Variants in C20orf203 observed in about 807,000 individuals in gnomAD.
The protein encoded by C20orf203 is uncharacterized protein C20orf203.
A neutral mutation model predicts 15.9 loss-of-function variants in C20orf203; 16 were observed. That is an observed-to-expected ratio of 1.01 (90% confidence interval 0.68 to 1.53). C20orf203 has a LOEUF of 1.53. C20orf203 is among the 40% of genes most tolerant of loss of function. The pLI, the probability that C20orf203 is intolerant of heterozygous loss-of-function variation, is 0.00. For synonymous variants in C20orf203, 98 were observed against 97.2 expected (o/e 1.01, Z -0.05); for missense variants, 263 against 247.5 (o/e 1.06, Z -0.42).
chr20:32,659,008 T>A (rs558698251), intron 1 of C20orf203, among the ~76,000 whole-genome samples: 3 of 152,112 alleles, frequency 2.0e-5, no homozygotes, highest in Non-Finnish European at 4.4e-5. Flanking sequence ...CCCGAGTAGC[T>A]GGGACTACAG....
chr20:32,653,005 A>G (rs966862548), intron 1 of C20orf203, among the ~76,000 whole-genome samples: 5 of 152,176 alleles, frequency 3.3e-5, no homozygotes, highest in Non-Finnish European at 7.4e-5. Flanking sequence ...AAGTCTGTGC[A>G]AGCACAGCCA....
In C20orf203 at chr20:32,633,789, C is replaced by T. The variant is rs1414130650; in HGVS notation, c.*1781G>A. The T allele has an allele frequency of 5.4e-6, 2 of 370,900 alleles. No individual in the cohort carries two copies. The highest frequency in any genetic ancestry group is 4.8e-6 in the Non-Finnish European group (1 of 209,196). The allele number at this position is 370,900 out of a possible 1,614,324, so 23.0% of individuals were successfully genotyped here. ...CGGCCAGTCGCCCTGACAGCCCCCT[C>T]ACCGCGTTGCACTACCTGGTCCCCT... On this transcript the variant is annotated 3_prime_UTR_variant, in exon 6 of 6. Transcript: ENST00000608990.
At chr20:32,639,031 C>T (rs1269981768) in intron 5 of C20orf203, among the ~76,000 whole-genome samples, 1 of 152,244 alleles carries the variant, frequency 6.6e-6, no homozygotes, top group African/African-American at 2.4e-5. Flanking sequence ...AAGCCACCAG[C>T]AGAGGGAGGG....
chr20:32,664,210 G>A (rs908778389), intron 1 of C20orf203, among the ~76,000 whole-genome samples: 57 of 152,164 alleles, frequency 3.7e-4, no homozygotes, highest in Non-Finnish European at 3.5e-4. Context: ...GCTGATCTGC[G>A]CCTTAGGGAA....
chr20:32,641,725 T>C (rs1019594968), intron 4 of C20orf203, among the ~76,000 whole-genome samples: 5 of 152,250 alleles, frequency 3.3e-5, no homozygotes, highest in Non-Finnish European at 7.3e-5. Flanking sequence ...CCAATAATAT[T>C]GAGCACCTTT....
intron 1 of C20orf203, among the ~76,000 whole-genome samples, chr20:32,654,989 T>C (rs1982720419): frequency 3.9e-5 from 6 of 152,188 alleles, no homozygotes; most frequent in Admixed American, 3.9e-4. Flanking sequence ...ATAAGAGTCC[T>C]GAGAGTCCAG....
chr20:32,653,194 G>T (rs1262760351), intron 1 of C20orf203, among the ~76,000 whole-genome samples: 1 of 152,074 alleles, frequency 6.6e-6, no homozygotes, highest in African/African-American at 2.4e-5. Flanking sequence ...AGATTTCAAG[G>T]TGGACCACTC....
In C20orf203 at chr20:32,642,508, G is replaced by A. The variant is rs932609; in HGVS notation, c.*1178-1821C>T. Among the ~76,000 whole-genome samples the A allele has an allele frequency of 7.9e-5, 12 of 152,328 alleles. No homozygotes were observed. In the East Asian group the frequency reaches 1.2e-3, roughly 15 times the overall value. On this transcript the variant is annotated intron_variant, in intron 4 of 5. Transcript: ENST00000608990. ...AGGAGGTAGAGATAACACTTTTGGC[G>A]CGGCGAGAGGCCACCAGGCAACTGC... is the stretch of plus-strand genomic sequence containing the variant.
intron 5 of C20orf203, 24 bp from the exon 6 acceptor site, chr20:32,634,294 C>CAAGACAG: frequency 2.5e-6 from 1 of 398,358 alleles, no homozygotes; most frequent in East Asian, 3.6e-5. Context: ...AAAGAATTAG[C>CAAGACAG]AAGACAGGCA....
Position 32,650,423 on chromosome 20 carries a change from T to A in C20orf203, c.*9A>T. 6.5e-7 allele frequency: 1 copy of A among 1,544,892 alleles called. No individual in the cohort carries two copies. Among genetic ancestry groups the A allele is most frequent in the Non-Finnish European group, 8.7e-7 (1 of 1,142,984 alleles). ...GGCAGAGCTGGGGGTGGGGGCGCCC[T>A]GGGCTCGGCTAATTAAACAGCGACC... On this transcript the variant is annotated 3_prime_UTR_variant, in exon 4 of 6. Coordinates refer to ENST00000608990, the MANE Select transcript of C20orf203 (RefSeq NM_182584.4).
chr20:32,647,773 G>A (rs1982477720), intron 4 of C20orf203, among the ~76,000 whole-genome samples: 1 of 152,162 alleles, frequency 6.6e-6, no homozygotes, highest in Admixed American at 6.5e-5. Context: ...GAGTTGAAAG[G>A]GTGAAACTAC....
intron 1 of C20orf203, among the ~76,000 whole-genome samples, chr20:32,672,286 C>A (rs1352840481): frequency 1.3e-5 from 2 of 151,922 alleles, no homozygotes; most frequent in African/African-American, 4.8e-5. Flanking sequence ...TTGCAGTGAG[C>A]CGAGATCCCA....
At chr20:32,665,913 G>C (rs1231707123) in intron 1 of C20orf203, among the ~76,000 whole-genome samples, 1 of 151,172 alleles carries the variant, frequency 6.6e-6, no homozygotes, top group Non-Finnish European at 1.5e-5. Flanking sequence ...TCCAGCCTGG[G>C]TGACAGAGTG....
At chr20:32,635,227 C>T (rs1345442206) in intron 5 of C20orf203, among the ~76,000 whole-genome samples, 1 of 151,868 alleles carries the variant, frequency 6.6e-6, no homozygotes, top group Non-Finnish European at 1.5e-5. Flanking sequence ...GGGCCAGACA[C>T]GGTGGCTCAT....
At chr20:32,642,390 A>G (rs1015485806) in intron 4 of C20orf203, among the ~76,000 whole-genome samples, 3 of 152,210 alleles carry the variant, frequency 2.0e-5, no homozygotes, top group Non-Finnish European at 4.4e-5. Flanking sequence ...AGACAAGTAT[A>G]TCTCTAGGAA....
At chr20:32,638,776 C>T (rs1023835217) in intron 5 of C20orf203, among the ~76,000 whole-genome samples, 10 of 152,218 alleles carry the variant, frequency 6.6e-5, no homozygotes, top group African/African-American at 2.4e-4. Flanking sequence ...TCCAGGCCTC[C>T]ACATGGGCTG....
At chr20:32,664,005 C>T (rs370475699) in intron 1 of C20orf203, among the ~76,000 whole-genome samples, 1 of 152,184 alleles carries the variant, frequency 6.6e-6, no homozygotes, top group Admixed American at 6.5e-5. Context: ...TTTCTTTGTT[C>T]CTTGTTTTTG....
intron 1 of C20orf203, among the ~76,000 whole-genome samples, chr20:32,668,626 A>C (rs1434324574): frequency 1.3e-5 from 2 of 150,472 alleles, no homozygotes; most frequent in East Asian, 3.9e-4. Context: ...ACTCTGTCTC[A>C]AAAAAAAATA....
Position 32,633,406 on chromosome 20 carries a change from G to T in C20orf203, c.*2164C>A, listed in dbSNP as rs980064811. The T allele has an allele frequency of 6.6e-6, 1 of 152,092 alleles. No homozygotes were observed. The highest frequency in any genetic ancestry group is 2.4e-5 in the African/African-American group (1 of 41,390). 9.4% of individuals were successfully genotyped at this position (152,092 alleles called of 1,614,324 possible). ...CTCCTCTGTGCCTGCCCCTTCTTCA[G>T]CCCTCATAACAGCCCCAGGAGGCAG... is the stretch of plus-strand genomic sequence containing the variant. On this transcript the variant is annotated 3_prime_UTR_variant, in exon 6 of 6. Transcript: ENST00000608990.
Sources: allele counts gnomAD v4.1 joint callset (sites outside exome capture counted in the v4.1 genomes callset), GRCh38; gene constraint gnomAD v4.1.1; transcripts MANE v1.5; gene names NCBI Gene and HGNC (gene_info 2026-07-23, HGNC 2026-07-21).